KIAA0586: variants seen among roughly 807,000 people sequenced by gnomAD.
The protein encoded by KIAA0586 is KIAA0586.
Under a neutral mutation model 169.8 loss-of-function variants are expected in KIAA0586, and 144 were observed. That is an observed-to-expected ratio of 0.85 (90% CI 0.74 to 0.97). KIAA0586 has a LOEUF of 0.97. KIAA0586 is among the 50% of genes least tolerant of loss of function. The probability of loss-of-function intolerance (pLI) is 0.00; values close to 1 mark genes in which losing one functional copy is unlikely to be tolerated. For synonymous variants in KIAA0586, 625 were observed against 612.4 expected (o/e 1.02, Z -0.30); for missense variants, 1,854 against 1,823.0 (o/e 1.02, Z -0.31).
the KIAA0586 span, among the ~76,000 whole-genome samples, chr14:58,559,193 A>G: frequency 6.6e-6 from 1 of 152,238 alleles, no homozygotes; most frequent in African/African-American, 2.4e-5. Context: ...GCACATGTGC[A>G]GTTCACCTAT....
chr14:58,558,677 G>A, the KIAA0586 span, among the ~76,000 whole-genome samples: 49 of 152,202 alleles, frequency 3.2e-4, no homozygotes, highest in Non-Finnish European at 5.7e-4. Flanking sequence ...TTGACTCATG[G>A]AGGGAATGGA....
intron 29 of KIAA0586, among the ~76,000 whole-genome samples, chr14:58,535,863 G>T (rs894543976): frequency 6.6e-6 from 1 of 151,516 alleles, no homozygotes; most frequent in East Asian, 1.9e-4. Context: ...CATTTTGGGG[G>T]GCTTCATCTT....
chr14:58,450,869 G>A (rs1283810836), intron 8 of KIAA0586, 123 bp downstream of exon 8: 1 of 586,152 alleles, frequency 1.7e-6, no homozygotes, highest in Non-Finnish European at 3.0e-6. Flanking sequence ...CCCTTGCTGG[G>A]AAAATCAAGC....
chr14:58,555,986 C>T (rs950932727), downstream of KIAA0586, among the ~76,000 whole-genome samples: 1 of 152,214 alleles, frequency 6.6e-6, no homozygotes, highest in African/African-American at 2.4e-5. Context: ...GAGTTTCTAA[C>T]TTAACTGACA....
intron 18 of KIAA0586, among the ~76,000 whole-genome samples, chr14:58,472,629 A>G (rs907554264): frequency 6.6e-6 from 1 of 151,690 alleles, no homozygotes; most frequent in Non-Finnish European, 1.5e-5. Context: ...TGAGGTGACT[A>G]GTTAATTGAT....
In KIAA0586 at chr14:58,548,323, G is replaced by A. The variant is rs2047106777; in HGVS notation, c.*391G>A. Reference sequence around the variant, plus strand: ...TCAAATGTCTATCAATAATAGACTGGTTTTAAAGTGATGGTACATCAGTAC... The same window carrying A: ...TCAAATGTCTATCAATAATAGACTGATTTTAAAGTGATGGTACATCAGTAC... On this transcript the variant is annotated 3_prime_UTR_variant, in exon 31 of 31. Transcript: ENST00000652326. The A allele has an allele frequency of 6.3e-6, 1 of 159,644 alleles. No individual in the cohort carries two copies. The highest frequency in any genetic ancestry group is 6.4e-5 in the Admixed American group (1 of 15,736). 9.9% of individuals were successfully genotyped at this position (159,644 alleles called of 1,614,324 possible). A position where few individuals can be genotyped will look rare whatever the true frequency, so the allele number is the denominator to read the frequency against.
chr14:58,433,000 GC>G, intron 4 of KIAA0586: 2 of 152,516 alleles, frequency 1.3e-5, no homozygotes, highest in East Asian at 3.9e-4. Context: ...ACAGGCGTGA[GC>G]CAGTGCGCCC....
At chr14:58,540,389 G>A (rs2046574505) in intron 30 of KIAA0586, among the ~76,000 whole-genome samples, 1 of 152,346 alleles carries the variant, frequency 6.6e-6, no homozygotes, top group Non-Finnish European at 1.5e-5. Context: ...GGCTGCAGGT[G>A]TGGTATTCAG....
intron 29 of KIAA0586, among the ~76,000 whole-genome samples, chr14:58,516,736 T>A (rs548303136): frequency 1.3e-5 from 2 of 152,264 alleles, no homozygotes; most frequent in African/African-American, 4.8e-5. Context: ...TTATACTATA[T>A]AACTCTAAGA....
At chr14:58,469,127 G>A (rs1459502815) in intron 16 of KIAA0586, among the ~76,000 whole-genome samples, 1 of 152,186 alleles carries the variant, frequency 6.6e-6, no homozygotes, top group Non-Finnish European at 1.5e-5. Context: ...ACCAGCCTGA[G>A]AGATTCCCAG....
chr14:58,485,631 C>G (rs2042388744), intron 21 of KIAA0586, among the ~76,000 whole-genome samples: 1 of 152,152 alleles, frequency 6.6e-6, no homozygotes. Context: ...GTAGAAAGGA[C>G]AAGAGTAGGA....
At chr14:58,505,227 C>T (rs1298876612) in intron 27 of KIAA0586, among the ~76,000 whole-genome samples, 1 of 152,136 alleles carries the variant, frequency 6.6e-6, no homozygotes, top group Non-Finnish European at 1.5e-5. Flanking sequence ...TGCACACTTG[C>T]CTGCATTTTG....
At chr14:58,468,227 T>C (rs923581247) in intron 16 of KIAA0586, among the ~76,000 whole-genome samples, 1 of 151,944 alleles carries the variant, frequency 6.6e-6, no homozygotes, top group Admixed American at 6.6e-5. Flanking sequence ...TTGTATTTTT[T>C]TTTAGTAGAG....
intron 4 of KIAA0586, among the ~76,000 whole-genome samples, chr14:58,439,612 T>C (rs960590783): frequency 4.6e-5 from 7 of 152,258 alleles, no homozygotes; most frequent in African/African-American, 1.7e-4. Flanking sequence ...CTCTCAGCTC[T>C]ATAATTCTAT....
chr14:58,459,770 TC>T, intron 12 of KIAA0586, 72 bp from the exon 13 acceptor site: 2 of 842,680 alleles, frequency 2.4e-6, no homozygotes, highest in Non-Finnish European at 3.5e-6. Flanking sequence ...AAAAATAAAT[TC>T]TAATACTTTC....
upstream of KIAA0586, chr14:58,427,560 A>G: frequency 6.5e-7 from 1 of 1,527,434 alleles, no homozygotes; most frequent in Non-Finnish European, 8.8e-7. Context: ...AACCCCTGTT[A>G]TGTCCGGAGT....
chr14:58,511,566 C>CAGCCAG (rs1333834133), intron 28 of KIAA0586, among the ~76,000 whole-genome samples: 1 of 152,214 alleles, frequency 6.6e-6, no homozygotes, highest in African/African-American at 2.4e-5. Flanking sequence ...AAAGTCTCAG[C>CAGCCAG]AGCCAGAGCC....
At position 58,521,886 on chromosome 14, in the gene KIAA0586, A is replaced by C. The variant is rs76303242; in HGVS notation, c.4429+9259A>C. 1,493 of 1,261,034 alleles carry C rather than the reference A, an allele frequency of 1.2e-3. 2 individuals are homozygous for C. The highest frequency in any genetic ancestry group is 1.6e-3 in the Non-Finnish European group (1,415 of 862,304). 78.1% of individuals were successfully genotyped at this position (1,261,034 alleles called of 1,614,324 possible). A position where few individuals can be genotyped will look rare whatever the true frequency, so the allele number is the denominator to read the frequency against. On this transcript the variant is annotated intron_variant, in intron 29 of 30. Transcript: ENST00000652326. ...GGAGGACCTACTAGATGATGATGAC[A>C]ATGAAGATGGGGGATGACCAGCTGG...
intron 18 of KIAA0586, among the ~76,000 whole-genome samples, chr14:58,473,794 A>G (rs1011270626): frequency 1.3e-4 from 20 of 152,008 alleles, no homozygotes; most frequent in African/African-American, 4.8e-4. Context: ...TAATGCCAGC[A>G]TCTCGGGAGG....
Sources: allele counts gnomAD v4.1 joint callset (sites outside exome capture counted in the v4.1 genomes callset), GRCh38; gene constraint gnomAD v4.1.1; transcripts MANE v1.5; gene names NCBI Gene and HGNC (gene_info 2026-07-23, HGNC 2026-07-21).